OCA2: variants seen among roughly 807,000 people sequenced by gnomAD.
OCA2 encodes OCA2 melanosomal transmembrane protein.
Under a neutral mutation model 100.2 loss-of-function variants are expected in OCA2, and 77 were observed. That is an observed-to-expected ratio of 0.77 (90% CI 0.64 to 0.93). The LOEUF is 0.93. Ranked by LOEUF, OCA2 falls within the 40% of genes least tolerant of loss-of-function variation. The probability of loss-of-function intolerance (pLI) is 0.00; values close to 1 mark genes in which losing one functional copy is unlikely to be tolerated. For synonymous variants in OCA2, 432 were observed against 439.2 expected, an observed-to-expected ratio of 0.98 and a Z score of 0.21; for missense variants, 1,062 against 1,089.1, an observed-to-expected ratio of 0.98 and a Z score of 0.35.
At chr15:28,060,772 A>G (rs1466164776) in intron 2 of OCA2, among the ~76,000 whole-genome samples, 2 of 152,230 alleles carry the variant, frequency 1.3e-5, no homozygotes, top group African/African-American at 4.8e-5. Context: ...CAGCCCTGCC[A>G]TGATGGTGAA....
intron 9 of OCA2, among the ~76,000 whole-genome samples, chr15:28,000,426 G>A (rs544138043): frequency 1.3e-5 from 2 of 152,170 alleles, no homozygotes; most frequent in African/African-American, 4.8e-5. Flanking sequence ...AAGAATGAAA[G>A]TGGACCCTAT....
rs564051094 is a variant in OCA2, at chr15:27,790,442, T to C, written c.2433-34970A>G. 4.6e-5 allele frequency among the ~76,000 whole-genome samples: 7 copies of C among 152,278 alleles called. No homozygotes were observed. In the South Asian group the frequency reaches 1.5e-3, roughly 32 times the overall value. ...GGCACAATGTGGTCCATCTATGCAATAAAATACTACTCAGCAATAAAAAGA... is the reference window on the plus strand; with the variant it reads ...GGCACAATGTGGTCCATCTATGCAACAAAATACTACTCAGCAATAAAAAGA... On this transcript the variant is annotated intron_variant, in intron 23 of 23. Transcript: ENST00000354638.
chr15:28,096,073 C>G lies in OCA2; in HGVS notation c.-22+3151G>C, dbSNP rs534543707. Reference sequence around the variant, plus strand: ...GGAGCACGGCCCTTCTCTCCGGGGGCCTGGCTGCGTCTGCAAAGGCGTCAA... The same window carrying G: ...GGAGCACGGCCCTTCTCTCCGGGGGGCTGGCTGCGTCTGCAAAGGCGTCAA... On this transcript the variant is annotated intron_variant, in intron 1 of 23. Coordinates refer to ENST00000354638, the MANE Select transcript of OCA2 (RefSeq NM_000275.3). Among the ~76,000 whole-genome samples, 17 of 151,970 alleles carry G rather than the reference C, an allele frequency of 1.1e-4. No individual in the cohort carries two copies. In the South Asian group the frequency reaches 3.3e-3, roughly 30 times the overall value.
chr15:28,082,643 A>G (rs907856477), intron 1 of OCA2, among the ~76,000 whole-genome samples: 2 of 152,234 alleles, frequency 1.3e-5, no homozygotes, highest in African/African-American at 4.8e-5. Flanking sequence ...CAAGTGGTAC[A>G]CTGTGATGTT....
the OCA2 span, among the ~76,000 whole-genome samples, chr15:27,730,331 G>T: frequency 7.3e-3 from 1,119 of 152,262 alleles, 12 homozygotes; most frequent in African/African-American, 0.025. Context: ...GGCCTCTGCA[G>T]GTTGGAAGAG....
At chr15:27,763,682 C>A (rs192082760) in intron 23 of OCA2, among the ~76,000 whole-genome samples, 2 of 152,236 alleles carry the variant, frequency 1.3e-5, no homozygotes, top group African/African-American at 4.8e-5. Context: ...CAGGGCACAG[C>A]TGGCTGGGAG....
At chr15:28,087,879 T>C (rs943361267) in intron 1 of OCA2, among the ~76,000 whole-genome samples, 3 of 152,086 alleles carry the variant, frequency 2.0e-5, no homozygotes, top group African/African-American at 2.4e-5. Context: ...CTAGCCAACA[T>C]AGTGAAACCC....
chr15:27,752,240 C>T (rs75649980), downstream of OCA2, among the ~76,000 whole-genome samples: 11,198 of 152,260 alleles, frequency 0.074, 485 homozygotes, highest in South Asian at 0.14. Flanking sequence ...CTGTGGTCTT[C>T]AGGACTTTAT....
intron 1 of OCA2, among the ~76,000 whole-genome samples, chr15:28,093,164 C>T (rs1020800135): frequency 1.3e-5 from 2 of 152,098 alleles, no homozygotes; most frequent in African/African-American, 4.8e-5. Flanking sequence ...ACAGGCCAGG[C>T]GCAGTGGCTC....
At chr15:27,990,670 A>G in intron 9 of OCA2, 23 bp from the exon 10 acceptor site, 1 of 1,609,936 alleles carries the variant, frequency 6.2e-7, no homozygotes, top group Non-Finnish European at 8.5e-7. Context: ...ACAGGAAATT[A>G]CCGCGTTCCA....
At chr15:27,928,699 C>G (rs2039136260) in intron 18 of OCA2, among the ~76,000 whole-genome samples, 1 of 152,216 alleles carries the variant, frequency 6.6e-6, no homozygotes, top group Non-Finnish European at 1.5e-5. Flanking sequence ...CATTCCCAGC[C>G]TCATGCCTCC....
chr15:28,059,967 A>T (rs755235647), intron 2 of OCA2, among the ~76,000 whole-genome samples: 5 of 152,232 alleles, frequency 3.3e-5, no homozygotes, highest in Non-Finnish European at 7.3e-5. Context: ...TCCCCACCCA[A>T]GGAGCAGCAC....
At chr15:27,750,452 T>G (rs1249958476), downstream of OCA2, among the ~76,000 whole-genome samples, 1 of 152,220 alleles carries the variant, frequency 6.6e-6, no homozygotes, top group Non-Finnish European at 1.5e-5. Flanking sequence ...ATTATTAATA[T>G]GCACAGTTGG....
chr15:27,995,401 T>A (rs1281142174), intron 9 of OCA2, among the ~76,000 whole-genome samples: 1 of 152,282 alleles, frequency 6.6e-6, no homozygotes, highest in African/African-American at 2.4e-5. Flanking sequence ...TTAAAAAAAA[T>A]TTTGTCTTAG....
chr15:27,875,968 G>A (rs1412751503), intron 19 of OCA2, among the ~76,000 whole-genome samples: 1 of 151,928 alleles, frequency 6.6e-6, no homozygotes, highest in African/African-American at 2.4e-5. Flanking sequence ...CTACAAACAA[G>A]AACAGTTTTA....
intron 9 of OCA2, among the ~76,000 whole-genome samples, chr15:27,994,248 G>A (rs1392952853): frequency 6.6e-6 from 1 of 152,080 alleles, no homozygotes; most frequent in Non-Finnish European, 1.5e-5. Flanking sequence ...GCATGTGAGG[G>A]ATCTAGGTTG....
At chr15:27,789,753 A>G (rs1274077260) in intron 23 of OCA2, among the ~76,000 whole-genome samples, 1 of 152,240 alleles carries the variant, frequency 6.6e-6, no homozygotes, top group Admixed American at 6.5e-5. Flanking sequence ...AGTCTTTTCA[A>G]CAAATGGTAC....
chr15:27,983,274 A>G, intron 14 of OCA2, 71 bp downstream of exon 14: 2 of 1,585,896 alleles, frequency 1.3e-6, no homozygotes, highest in Non-Finnish European at 1.7e-6. Context: ...AAAGGCGTCC[A>G]TGTGGGGTAG....
the OCA2 span, among the ~76,000 whole-genome samples, chr15:27,722,749 CTT>C: frequency 9.2e-5 from 12 of 129,768 alleles, no homozygotes; most frequent in Non-Finnish European, 1.8e-4. Flanking sequence ...CTTCTTTCTT[CTT>C]CTTTCCTTCC....
Sources: gnomAD v4.1 joint callset for allele counts (sites outside exome capture counted in the v4.1 genomes callset) on GRCh38, gnomAD v4.1.1 for gene constraint, MANE v1.5 for transcripts, NCBI Gene and HGNC (gene_info 2026-07-23, HGNC 2026-07-21) for gene names.